MECOM: variants seen among roughly 807,000 people sequenced by gnomAD.
The protein encoded by MECOM is MDS1 and EVI1 complex locus.
A neutral mutation model predicts 116.3 loss-of-function variants in MECOM; 13 were observed. That is an observed-to-expected ratio of 0.11 (90% CI 0.07 to 0.18). The LOEUF is 0.18. MECOM is among the 10% of genes least tolerant of loss of function. The probability of loss-of-function intolerance (pLI) is 1.00; values close to 1 mark genes in which losing one functional copy is unlikely to be tolerated. For missense variants in MECOM, 1,299 were observed against 1,509.0 expected, an observed-to-expected ratio of 0.86 and a Z score of 2.31; for synonymous variants, 528 against 535.2, an observed-to-expected ratio of 0.99 and a Z score of 0.19.
At position 169,145,189 on chromosome 3, in the gene MECOM, CAG is replaced by C. The variant is rs796834184; in HGVS notation, c.376-1359_376-1358del. The C allele has an allele frequency of 5.5e-3, 569 of 102,958 alleles. 9 individuals carry two copies. In the African/African-American group the frequency reaches 0.06, roughly 11 times the overall value. 6.4% of individuals were successfully genotyped at this position (102,958 alleles called of 1,614,324 possible). A position where few individuals can be genotyped will look rare whatever the true frequency, so the allele number is the denominator to read the frequency against. On this transcript the variant is annotated intron_variant, in intron 2 of 16. Coordinates refer to ENST00000651503, the MANE Select transcript of MECOM (RefSeq NM_004991.4). Reference sequence around the variant, plus strand: ...ACACACACACACACACACACACACACAGAGAGAAATCAAACTCTTCTTTTTCA... The same window carrying C: ...ACACACACACACACACACACACACACAGAGAAATCAAACTCTTCTTTTTCA...
chr3:169,370,981 C>T (rs1302719111), intron 2 of MECOM, among the ~76,000 whole-genome samples: 1 of 151,942 alleles, frequency 6.6e-6, no homozygotes, highest in Non-Finnish European at 1.5e-5. Context: ...GAAAATACAA[C>T]TCCTTTATGA....
intron 2 of MECOM, among the ~76,000 whole-genome samples, chr3:169,314,337 C>G (rs12631188): frequency 0.19 from 29,133 of 152,136 alleles, 4,327 homozygotes; most frequent in East Asian, 0.45. Flanking sequence ...TGAACTCAAA[C>G]ATCAGTCATC....
At chr3:169,261,711 A>AAGAAGGAGAAGG (rs370712756) in intron 2 of MECOM, among the ~76,000 whole-genome samples, 2 of 150,536 alleles carry the variant, frequency 1.3e-5, no homozygotes, top group Non-Finnish European at 2.9e-5. Context: ...CAAGAAGAAG[A>AAGAAGGAGAAGG]AGAAGGAGAA....
At chr3:169,149,260 C>T (rs914426329) in intron 2 of MECOM, among the ~76,000 whole-genome samples, 8 of 152,144 alleles carry the variant, frequency 5.3e-5, no homozygotes, top group Admixed American at 2.6e-4. Flanking sequence ...GGGAGCTCAG[C>T]GCCCCAACCC....
At chr3:169,189,543 A>C (rs1238016840) in intron 2 of MECOM, among the ~76,000 whole-genome samples, 1 of 152,096 alleles carries the variant, frequency 6.6e-6, no homozygotes, top group Non-Finnish European at 1.5e-5. Context: ...AGCAAAAAAT[A>C]AATCTGCCAT....
chr3:169,653,928 A>G (rs1412253734), intron 1 of MECOM, among the ~76,000 whole-genome samples: 4 of 152,198 alleles, frequency 2.6e-5, no homozygotes, highest in African/African-American at 9.7e-5. Flanking sequence ...TTCTTCTGGC[A>G]CAAAAGTAGA....
At chr3:169,623,681 G>A (rs1477414214) in intron 1 of MECOM, among the ~76,000 whole-genome samples, 1 of 151,882 alleles carries the variant, frequency 6.6e-6, no homozygotes, top group Non-Finnish European at 1.5e-5. Context: ...CCATTTATAA[G>A]TTCATAAAGT....
At position 169,463,087 on chromosome 3, in the gene MECOM, C is replaced by G. The variant is rs1747724248; in HGVS notation, c.38-81563G>C. ...TGCTCAGTTCAAGATATTTCATGGA[C>G]AGTGTGGGCACACATTTATATGTCT... On this transcript the variant is annotated intron_variant, in intron 1 of 16. Coordinates refer to ENST00000651503, the MANE Select transcript of MECOM (RefSeq NM_004991.4). Among the ~76,000 whole-genome samples, 2 of 152,160 alleles carry G rather than the reference C, an allele frequency of 1.3e-5. 1 individual carries two copies. The highest frequency in any genetic ancestry group is 4.1e-4 in the South Asian group (2 of 4,830).
intron 2 of MECOM, among the ~76,000 whole-genome samples, chr3:169,371,781 C>G (rs973559970): frequency 6.6e-6 from 1 of 151,926 alleles, no homozygotes; most frequent in Admixed American, 6.6e-5. Flanking sequence ...CATTATTTGT[C>G]AGCCTCCTGA....
chr3:169,582,432 G>A (rs1216383482), intron 1 of MECOM, among the ~76,000 whole-genome samples: 6 of 152,080 alleles, frequency 3.9e-5, no homozygotes, highest in South Asian at 2.1e-4. Flanking sequence ...GGGGAAAAAC[G>A]GGAAAATGAA....
chr3:169,577,314 A>C (rs1318860007), intron 1 of MECOM, among the ~76,000 whole-genome samples: 2 of 152,200 alleles, frequency 1.3e-5, no homozygotes, highest in African/African-American at 4.8e-5. Context: ...TTTTGAGTAA[A>C]AGACATTGTT....
chr3:169,633,245 G>C (rs965962763), intron 1 of MECOM, among the ~76,000 whole-genome samples: 10 of 152,188 alleles, frequency 6.6e-5, no homozygotes, highest in African/African-American at 2.2e-4. Context: ...TATAAAAGCA[G>C]ATGTTTTGCT....
chr3:169,236,096 T>C (rs1433683145), intron 2 of MECOM, among the ~76,000 whole-genome samples: 3 of 152,200 alleles, frequency 2.0e-5, no homozygotes, highest in Non-Finnish European at 2.9e-5. Context: ...TATAGTGTAC[T>C]GTGTTGCCAG....
At chr3:169,516,092 A>C (rs1404897426) in intron 1 of MECOM, among the ~76,000 whole-genome samples, 1 of 152,204 alleles carries the variant, frequency 6.6e-6, no homozygotes, top group Non-Finnish European at 1.5e-5. Flanking sequence ...AAGGAAAAAA[A>C]CTCGAAACCT....
At chr3:169,467,294 A>G (rs1478701933) in intron 1 of MECOM, among the ~76,000 whole-genome samples, 3 of 152,202 alleles carry the variant, frequency 2.0e-5, no homozygotes, top group Non-Finnish European at 2.9e-5. Context: ...GAATTCCAGA[A>G]AAATAAGCAG....
At chr3:169,235,490 C>G (rs1160754583) in intron 2 of MECOM, among the ~76,000 whole-genome samples, 1 of 152,016 alleles carries the variant, frequency 6.6e-6, no homozygotes, top group South Asian at 2.1e-4. Context: ...TGCATACACA[C>G]ACACACCTCT....
intron 2 of MECOM, among the ~76,000 whole-genome samples, chr3:169,308,725 CT>C (rs1718170622): frequency 1.3e-5 from 2 of 152,238 alleles, no homozygotes; most frequent in South Asian, 4.1e-4. Context: ...GAAAAAAACA[CT>C]TTTAAGGGTG....
intron 3 of MECOM, among the ~76,000 whole-genome samples, chr3:169,141,922 G>C (rs1279723254): frequency 6.6e-6 from 1 of 151,898 alleles, no homozygotes; most frequent in Admixed American, 6.6e-5. Flanking sequence ...TGTTTTCCCA[G>C]ATTAAGTATT....
chr3:169,324,586 C>T (rs1464240946), intron 2 of MECOM, among the ~76,000 whole-genome samples: 2 of 152,214 alleles, frequency 1.3e-5, no homozygotes. Flanking sequence ...CTGAGAATTT[C>T]GGCAACGTGC....
Sources: allele counts gnomAD v4.1 joint callset (sites outside exome capture counted in the v4.1 genomes callset), GRCh38; gene constraint gnomAD v4.1.1; transcripts MANE v1.5; gene names NCBI Gene and HGNC (gene_info 2026-07-23, HGNC 2026-07-21).